The following SAMD5 variants were observed in gnomAD, a reference collection of about 807,000 sequenced individuals.
The protein encoded by SAMD5 is sterile alpha motif domain-containing protein 5.
In SAMD5, 13 loss-of-function variants were observed where a neutral mutation model predicts 11.3. The ratio of observed to expected loss-of-function variants is 1.15; its 90% CI spans 0.75 to 1.83. The LOEUF (loss-of-function observed/expected upper bound fraction) is 1.83, where lower values mean the gene tolerates loss of function less well. Ranked by LOEUF, SAMD5 falls within the 40% of genes most tolerant of loss-of-function variation. SAMD5 has a pLI of 0.00. For synonymous variants in SAMD5, 129 were observed against 111.3 expected (o/e 1.16, Z -1.00); for missense variants, 255 against 239.1 (o/e 1.07, Z -0.44).
the SAMD5 span, among the ~76,000 whole-genome samples, chr6:147,881,585 C>A: frequency 1.6e-4 from 25 of 152,216 alleles, no homozygotes; most frequent in Non-Finnish European, 2.9e-4. Flanking sequence ...CAGCTTGACT[C>A]CTGCTTGTCA....
chr6:147,942,824 T>TTC, the SAMD5 span, among the ~76,000 whole-genome samples: 2 of 3,152 alleles, frequency 6.3e-4, no homozygotes, highest in Non-Finnish European at 2.1e-3. Flanking sequence ...CCAATGCTTC[T>TTC]TTTTTTTTTT....
chr6:147,906,394 T>C, the SAMD5 span, among the ~76,000 whole-genome samples: 1 of 152,234 alleles, frequency 6.6e-6, no homozygotes, highest in African/African-American at 2.4e-5. Context: ...TTGGACTCAA[T>C]GGCCTCTGTC....
At chr6:147,942,129 G>T in the SAMD5 span, among the ~76,000 whole-genome samples, 3 of 151,976 alleles carry the variant, frequency 2.0e-5, no homozygotes, top group Non-Finnish European at 4.4e-5. Flanking sequence ...CACCCGCCTC[G>T]GCCTCCCAAA....
chr6:147,823,602 TG>T, the SAMD5 span, among the ~76,000 whole-genome samples: 1 of 152,116 alleles, frequency 6.6e-6, no homozygotes, highest in Non-Finnish European at 1.5e-5. Flanking sequence ...ATTCTGCACA[TG>T]TATCCTGGAA....
the SAMD5 span, among the ~76,000 whole-genome samples, chr6:147,910,219 G>A: frequency 2.6e-5 from 4 of 151,972 alleles, no homozygotes; most frequent in East Asian, 3.9e-4. Context: ...TCACCAAAGC[G>A]AATGGTACCC....
At chr6:147,543,017 C>T (rs893216339) in intron 1 of SAMD5, among the ~76,000 whole-genome samples, 3 of 152,004 alleles carry the variant, frequency 2.0e-5, no homozygotes, top group African/African-American at 4.8e-5. Context: ...TTTGCAAAGA[C>T]GGTTTCAGGA....
chr6:147,703,506 C>CGA (rs1562355821), intron 1 of SAMD5, among the ~76,000 whole-genome samples: 1 of 152,200 alleles, frequency 6.6e-6, no homozygotes, highest in Non-Finnish European at 1.5e-5. Flanking sequence ...TTTCCACACA[C>CGA]GAGAACTTTT....
the SAMD5 span, among the ~76,000 whole-genome samples, chr6:147,878,934 T>C: frequency 6.6e-6 from 1 of 152,138 alleles, no homozygotes; most frequent in Non-Finnish European, 1.5e-5. Context: ...TTTTGTATTT[T>C]TAGTACTTTT....
intron 1 of SAMD5, among the ~76,000 whole-genome samples, chr6:147,725,348 G>C (rs1042443502): frequency 6.6e-5 from 10 of 151,208 alleles, no homozygotes; most frequent in Admixed American, 6.6e-4. Flanking sequence ...AAATCTTGTG[G>C]GGGGTGGACT....
chr6:147,946,984 T>C, the SAMD5 span, among the ~76,000 whole-genome samples: 3 of 152,220 alleles, frequency 2.0e-5, no homozygotes, highest in East Asian at 5.8e-4. Flanking sequence ...AAATTGAATG[T>C]TATTCCACAA....
At chr6:147,786,314 T>A in the SAMD5 span, among the ~76,000 whole-genome samples, 1 of 152,334 alleles carries the variant, frequency 6.6e-6, no homozygotes, top group East Asian at 1.9e-4. Flanking sequence ...TAATCTATTA[T>A]CCTTGGAAAA....
intron 1 of SAMD5, among the ~76,000 whole-genome samples, chr6:147,684,922 G>T (rs1472112640): frequency 6.6e-6 from 1 of 152,064 alleles, no homozygotes; most frequent in Non-Finnish European, 1.5e-5. Context: ...GAAAAAATTA[G>T]TAAAACTAAA....
intron 1 of SAMD5, among the ~76,000 whole-genome samples, chr6:147,640,497 CAAAAAAAAA>C (rs1172694444): frequency 8.3e-5 from 2 of 24,188 alleles, no homozygotes; most frequent in Admixed American, 8.8e-4. Context: ...GACTCTGTCG[CAAAAAAAAA>C]AAAAAAAAAA....
the SAMD5 span, among the ~76,000 whole-genome samples, chr6:147,855,089 A>G: frequency 6.6e-6 from 1 of 152,216 alleles, no homozygotes; most frequent in African/African-American, 2.4e-5. Flanking sequence ...TGGATGCTCA[A>G]TAAGTATTTA....
chr6:147,763,833 C>T, the SAMD5 span, among the ~76,000 whole-genome samples: 1 of 152,230 alleles, frequency 6.6e-6, no homozygotes, highest in African/African-American at 2.4e-5. Flanking sequence ...CCGCCTGCCT[C>T]GGCCTCCCAA....
chr6:147,858,075 T>G, the SAMD5 span, among the ~76,000 whole-genome samples: 1 of 152,330 alleles, frequency 6.6e-6, no homozygotes, highest in South Asian at 2.1e-4. Flanking sequence ...ACAGTGGTAC[T>G]TTTAGCAGAA....
chr6:147,764,103 A>G, the SAMD5 span, among the ~76,000 whole-genome samples: 2 of 152,264 alleles, frequency 1.3e-5, no homozygotes, highest in Non-Finnish European at 2.9e-5. Context: ...GAAGAAAAGT[A>G]ATTCTGGTAT....
At chr6:147,871,400 A>G in the SAMD5 span, among the ~76,000 whole-genome samples, 1 of 152,218 alleles carries the variant, frequency 6.6e-6, no homozygotes, top group Non-Finnish European at 1.5e-5. Context: ...CTTTGATGTT[A>G]TTAGGCAACT....
chr6:147,794,015 T>G, the SAMD5 span, among the ~76,000 whole-genome samples: 1 of 152,170 alleles, frequency 6.6e-6, no homozygotes. Flanking sequence ...GCTCCAGTAA[T>G]TCAAATTCAC....
Sources: gnomAD v4.1 joint callset for allele counts (sites outside exome capture counted in the v4.1 genomes callset) on GRCh38, gnomAD v4.1.1 for gene constraint, MANE v1.5 for transcripts, NCBI Gene and HGNC (gene_info 2026-07-23, HGNC 2026-07-21) for gene names.